SGCG: variants seen among roughly 807,000 people sequenced by gnomAD.
The protein encoded by SGCG is gamma-sarcoglycan.
A neutral mutation model predicts 29.3 loss-of-function variants in SGCG; 26 were observed. The ratio of observed to expected loss-of-function variants is 0.89; its 90% confidence interval spans 0.65 to 1.23. The LOEUF is 1.23. Ranked by LOEUF, SGCG falls within the 50% of genes most tolerant of loss-of-function variation. SGCG has a pLI of 0.00. For synonymous variants in SGCG, 145 were observed against 129.7 expected (o/e 1.12, Z -0.80); for missense variants, 353 against 356.0 (o/e 0.99, Z 0.07).
intron 4 of SGCG, among the ~76,000 whole-genome samples, chr13:23,276,431 CTTT>C (rs71100165): frequency 2.0e-5 from 2 of 102,336 alleles, no homozygotes; most frequent in African/African-American, 3.5e-5. Context: ...TTTTAGTTTT[CTTT>C]TTTTTTTTTT....
At position 23,320,748 on chromosome 13, in the gene SGCG, T is replaced by C. The variant is rs875989949; in HGVS notation, c.690T>C (p.Ser230=). ...CTCAAATGGATATTCTTTTTCATAG[T>C]AGTGATGGAATGGTGAGTTCATTCA... ...ALSQMDILFH[S]SDGMLVLDAE... Residue 230 remains serine (S), a synonymous_variant, in exon 7 of 8, where the codon AGT becomes AGC. Transcript: ENST00000218867. 1.2e-6 allele frequency: 2 copies of C among 1,613,762 alleles called. No individual in the cohort carries two copies. Among genetic ancestry groups the C allele is most frequent in the South Asian group, 2.2e-5 (2 of 91,070 alleles).
intron 6 of SGCG, among the ~76,000 whole-genome samples, chr13:23,314,402 A>ATATATATATATATATATG (rs1566044506): frequency 7.7e-6 from 1 of 130,154 alleles, no homozygotes; most frequent in African/African-American, 2.7e-5. Flanking sequence ...ATATATATAT[A>ATATATATATATATATATG]TATATAATCT....
intron 3 of SGCG, chr13:23,245,561 G>A (rs1879676419): frequency 6.6e-6 from 1 of 152,184 alleles, no homozygotes; most frequent in South Asian, 2.1e-4. Context: ...CAGCCCCAGA[G>A]ATGAGCAGCT....
chr13:23,311,070 C>T (rs1326376862), intron 6 of SGCG, among the ~76,000 whole-genome samples: 2 of 152,138 alleles, frequency 1.3e-5, no homozygotes, highest in Non-Finnish European at 2.9e-5. Flanking sequence ...ATAGATTGTA[C>T]ATTTGTTCCC....
intron 6 of SGCG, among the ~76,000 whole-genome samples, chr13:23,305,586 A>G (rs1391540849): frequency 1.3e-5 from 2 of 152,252 alleles, no homozygotes; most frequent in East Asian, 3.9e-4. Flanking sequence ...GATAGTAAGC[A>G]TCACTGCCTT....
intron 3 of SGCG, among the ~76,000 whole-genome samples, chr13:23,249,765 A>G (rs1458812972): frequency 6.6e-6 from 1 of 152,204 alleles, no homozygotes; most frequent in Non-Finnish European, 1.5e-5. Context: ...CAGCATTCAT[A>G]TAGACAAAAA....
chr13:23,230,150 T>C (rs898636593), intron 2 of SGCG, among the ~76,000 whole-genome samples: 1 of 152,220 alleles, frequency 6.6e-6, no homozygotes, highest in Non-Finnish European at 1.5e-5. Context: ...GTGTCTGTTT[T>C]TGTACCAGTA....
rs1373682739 is a variant in SGCG, at chr13:23,217,314, T to G, written c.195+13425T>G. On this transcript the variant is annotated intron_variant, in intron 2 of 7. Transcript: ENST00000218867. Reference sequence around the variant, plus strand: ...TTTCTGTTGCCTCTTTTGCTAGTGTTTTAGAACCCAACATTTCCAATTATA... The same window carrying G: ...TTTCTGTTGCCTCTTTTGCTAGTGTGTTAGAACCCAACATTTCCAATTATA... The G allele has an allele frequency of 2.0e-5, 3 of 152,166 alleles. No homozygotes were observed. The East Asian group carries it at 5.8e-4, about 29-fold the overall frequency. The allele number at this position is 152,166 out of a possible 1,614,324, so 9.4% of individuals were successfully genotyped here.
At chr13:23,179,469 T>A (rs192145154), upstream of SGCG, among the ~76,000 whole-genome samples, 2 of 152,346 alleles carry the variant, frequency 1.3e-5, no homozygotes, top group East Asian at 3.9e-4. Flanking sequence ...TTGTAACCTT[T>A]ACATGCATGA....
At chr13:23,216,282 G>A (rs1878424741) in intron 2 of SGCG, among the ~76,000 whole-genome samples, 1 of 152,032 alleles carries the variant, frequency 6.6e-6, no homozygotes. Context: ...GGGGCCAATA[G>A]AACACTATAC....
intron 4 of SGCG, among the ~76,000 whole-genome samples, chr13:23,262,421 A>G (rs998194538): frequency 3.9e-5 from 6 of 152,044 alleles, no homozygotes; most frequent in Non-Finnish European, 8.8e-5. Flanking sequence ...ATGTAGTTAT[A>G]TAATGATGAG....
At chr13:23,201,187 C>T (rs1231451745) in intron 1 of SGCG, among the ~76,000 whole-genome samples, 1 of 152,072 alleles carries the variant, frequency 6.6e-6, no homozygotes, top group Non-Finnish European at 1.5e-5. Flanking sequence ...GAGCTGGCCT[C>T]ATAACAGGAT....
chr13:23,282,120 C>T (rs573974245), intron 5 of SGCG, among the ~76,000 whole-genome samples: 7 of 152,100 alleles, frequency 4.6e-5, no homozygotes, highest in Non-Finnish European at 1.0e-4. Context: ...CCAGAGACAC[C>T]ATGAACTGTG....
chr13:23,232,564 T>C (rs1293843048), intron 2 of SGCG, among the ~76,000 whole-genome samples: 3 of 152,160 alleles, frequency 2.0e-5, no homozygotes, highest in South Asian at 2.1e-4. Flanking sequence ...GAGCGGATCA[T>C]GAGGTCAGGA....
chr13:23,258,553 T>C (rs1299043044), intron 4 of SGCG, among the ~76,000 whole-genome samples: 1 of 152,210 alleles, frequency 6.6e-6, no homozygotes, highest in African/African-American at 2.4e-5. Context: ...TCCTCTTGCC[T>C]GATTACCCTG....
At chr13:23,305,589 A>G (rs1480468701) in intron 6 of SGCG, among the ~76,000 whole-genome samples, 2 of 152,238 alleles carry the variant, frequency 1.3e-5, no homozygotes, top group Non-Finnish European at 2.9e-5. Context: ...AGTAAGCATC[A>G]CTGCCTTTTT....
At chr13:23,312,400 G>A (rs1882635328) in intron 6 of SGCG, among the ~76,000 whole-genome samples, 1 of 152,172 alleles carries the variant, frequency 6.6e-6, no homozygotes. Context: ...AAGAATAATT[G>A]TACTTGAAGC....
chr13:23,299,274 T>C (rs1229232852), intron 6 of SGCG, among the ~76,000 whole-genome samples: 1 of 137,458 alleles, frequency 7.3e-6, no homozygotes, highest in African/African-American at 2.6e-5. Flanking sequence ...CTCTGACTGA[T>C]TATATGATGG....
At chr13:23,301,968 A>G (rs1882177090) in intron 6 of SGCG, among the ~76,000 whole-genome samples, 1 of 152,174 alleles carries the variant, frequency 6.6e-6, no homozygotes, top group Non-Finnish European at 1.5e-5. Flanking sequence ...AAGTCAGTTT[A>G]GCAATGATGA....
Sources: gnomAD v4.1 joint callset for allele counts (sites outside exome capture counted in the v4.1 genomes callset) on GRCh38, gnomAD v4.1.1 for gene constraint, MANE v1.5 for transcripts, NCBI Gene and HGNC (gene_info 2026-07-23, HGNC 2026-07-21) for gene names.